Variants in THSD7B observed in about 807,000 individuals in gnomAD.
THSD7B encodes thrombospondin type 1 domain containing 7B.
Under a neutral mutation model 213.6 loss-of-function variants are expected in THSD7B, and 138 were observed. The observed-to-expected ratio is 0.65, with a 90% CI of 0.56 to 0.74. The LOEUF is 0.74. Among genes scored for constraint, THSD7B ranks in the 30% least tolerant of loss-of-function variants. THSD7B has a pLI of 0.00. For synonymous variants in THSD7B, 742 were observed against 687.0 expected (o/e 1.08, Z -1.25); for missense variants, 1,931 against 1,991.5 (o/e 0.97, Z 0.58).
chr2:137,244,731 A>G (rs1681987305), intron 10 of THSD7B, among the ~76,000 whole-genome samples: 1 of 152,180 alleles, frequency 6.6e-6, no homozygotes, highest in Non-Finnish European at 1.5e-5. Flanking sequence ...TCAGGGACCT[A>G]CAGAGGCAAA....
At chr2:136,769,048 A>G (rs949079440) in intron 1 of THSD7B, among the ~76,000 whole-genome samples, 4 of 152,196 alleles carry the variant, frequency 2.6e-5, no homozygotes, top group African/African-American at 9.6e-5. Context: ...CCTGTGCTCC[A>G]AGATGATAAG....
intron 2 of THSD7B, among the ~76,000 whole-genome samples, chr2:136,957,967 G>A (rs1685155675): frequency 6.6e-6 from 1 of 152,126 alleles, no homozygotes; most frequent in African/African-American, 2.4e-5. Flanking sequence ...TTATTTGTAT[G>A]TAGCAAGATA....
Position 137,411,597 on chromosome 2 carries a change from T to C in THSD7B, c.2696-12T>C, listed in dbSNP as rs114297423. 1,049 of 1,602,684 alleles carry C rather than the reference T, an allele frequency of 6.5e-4. 10 individuals are homozygous for C. The African/African-American group carries it at 0.013, about 19-fold the overall frequency. On this transcript the variant is annotated splice_polypyrimidine_tract_variant and intron_variant, in intron 13 of 27. Coordinates refer to ENST00000409968, the MANE Select transcript of THSD7B (RefSeq NM_001316349.2). Reference sequence around the variant, plus strand: ...TAAGCATTTAATATCTTAATGTCTCTTGTTGGAACAGGGAAAAGCAGAAAG... The same window carrying C: ...TAAGCATTTAATATCTTAATGTCTCCTGTTGGAACAGGGAAAAGCAGAAAG...
At chr2:137,395,111 G>T (rs1686142823) in intron 12 of THSD7B, among the ~76,000 whole-genome samples, 1 of 142,804 alleles carries the variant, frequency 7.0e-6, no homozygotes, top group Non-Finnish European at 1.6e-5. Flanking sequence ...TCTGCAAACA[G>T]GGACAATTTG....
At chr2:136,799,683 T>A (rs955885203) in intron 1 of THSD7B, among the ~76,000 whole-genome samples, 2 of 151,988 alleles carry the variant, frequency 1.3e-5, no homozygotes, top group African/African-American at 4.8e-5. Context: ...CATTTTTTTT[T>A]ATCACTGTGA....
At chr2:137,666,399 T>C (rs1259765533) in intron 26 of THSD7B, among the ~76,000 whole-genome samples, 3 of 152,040 alleles carry the variant, frequency 2.0e-5, no homozygotes, top group Non-Finnish European at 2.9e-5. Flanking sequence ...AATTACTACA[T>C]TGAACCTCAT....
intron 10 of THSD7B, among the ~76,000 whole-genome samples, chr2:137,270,789 A>G (rs1400116323): frequency 6.6e-6 from 1 of 152,192 alleles, no homozygotes; most frequent in African/African-American, 2.4e-5. Flanking sequence ...CATAAAAAAC[A>G]TCATTATAAA....
intron 14 of THSD7B, among the ~76,000 whole-genome samples, chr2:137,429,112 G>A (rs1181996775): frequency 6.6e-6 from 1 of 152,142 alleles, no homozygotes; most frequent in African/African-American, 2.4e-5. Context: ...CAGCAGGAAT[G>A]GACTAAGACA....
chr2:137,252,308 T>C (rs1287084861), intron 10 of THSD7B, among the ~76,000 whole-genome samples: 1 of 147,348 alleles, frequency 6.8e-6, no homozygotes, highest in Non-Finnish European at 1.5e-5. Context: ...TTGGGGGGCT[T>C]GATGGGAATT....
At chr2:137,514,070 T>C (rs542101128) in intron 15 of THSD7B, among the ~76,000 whole-genome samples, 15 of 152,314 alleles carry the variant, frequency 9.8e-5, no homozygotes, top group African/African-American at 3.6e-4. Context: ...AATTGAAAAT[T>C]GATAAATTCC....
intron 14 of THSD7B, among the ~76,000 whole-genome samples, chr2:137,435,506 A>G (rs955938031): frequency 3.3e-5 from 5 of 152,146 alleles, no homozygotes; most frequent in Middle Eastern, 3.2e-3. Context: ...AGCCCCACCC[A>G]ATGTCCACTG....
At chr2:137,190,013 A>C (rs1170742485) in intron 7 of THSD7B, among the ~76,000 whole-genome samples, 1 of 152,146 alleles carries the variant, frequency 6.6e-6, no homozygotes, top group Non-Finnish European at 1.5e-5. Context: ...ACATGTTCAG[A>C]GACTTACGTG....
At chr2:136,857,035 T>C (rs1425770395) in intron 1 of THSD7B, among the ~76,000 whole-genome samples, 2 of 152,362 alleles carry the variant, frequency 1.3e-5, no homozygotes, top group Non-Finnish European at 2.9e-5. Context: ...TAATTCTGTT[T>C]TGAAAATTTC....
chr2:137,655,692 C>T (rs751510946), intron 22 of THSD7B, 32 bp downstream of exon 22: 14 of 1,591,284 alleles, frequency 8.8e-6, no homozygotes, highest in African/African-American at 2.7e-5. Context: ...GAGCGCCTCC[C>T]ATGGTGATCT....
rs563100457 is a variant in THSD7B, at chr2:137,220,138, T to A, written c.1724-10906T>A. On this transcript the variant is annotated intron_variant, in intron 7 of 27. Coordinates refer to ENST00000409968, the MANE Select transcript of THSD7B (RefSeq NM_001316349.2). Reference sequence around the variant, plus strand: ...GTTCCTTCCTGAAAATTTGTATTTTTAAATACAAACTGAATACAGCACCAC... The same window carrying A: ...GTTCCTTCCTGAAAATTTGTATTTTAAAATACAAACTGAATACAGCACCAC... Among the ~76,000 whole-genome samples, 4 of 152,234 alleles carry A rather than the reference T, an allele frequency of 2.6e-5. No homozygotes were observed. In the East Asian group the frequency reaches 5.8e-4, roughly 22 times the overall value.
intron 1 of THSD7B, among the ~76,000 whole-genome samples, chr2:136,872,875 C>T (rs1573680892): frequency 7.2e-6 from 1 of 138,832 alleles, no homozygotes. Context: ...ATCCCAGCTA[C>T]TTGGATTTAT....
chr2:137,113,733 G>A (rs1179474543), intron 4 of THSD7B, among the ~76,000 whole-genome samples: 1 of 152,082 alleles, frequency 6.6e-6, no homozygotes, highest in Non-Finnish European at 1.5e-5. Flanking sequence ...CACTGTGCCC[G>A]GCCAGAAATA....
At chr2:137,502,154 A>G (rs945827060) in intron 15 of THSD7B, among the ~76,000 whole-genome samples, 2 of 152,054 alleles carry the variant, frequency 1.3e-5, no homozygotes, top group South Asian at 4.1e-4. Context: ...ATTGAGGATA[A>G]CATCCCTGGA....
chr2:137,162,159 G>C (rs1359929891), intron 6 of THSD7B, among the ~76,000 whole-genome samples: 1 of 152,070 alleles, frequency 6.6e-6, no homozygotes, highest in African/African-American at 2.4e-5. Context: ...GAGAGGATAG[G>C]GCTGCATCCA....
Sources: allele counts gnomAD v4.1 joint callset (sites outside exome capture counted in the v4.1 genomes callset), GRCh38; gene constraint gnomAD v4.1.1; transcripts MANE v1.5; gene names NCBI Gene and HGNC (gene_info 2026-07-23, HGNC 2026-07-21).